Variants in ERBB4 observed in about 807,000 individuals in gnomAD.
The protein encoded by ERBB4 is erb-b2 receptor tyrosine kinase 4, also known as receptor tyrosine-protein kinase erbB-4.
In ERBB4, 42 loss-of-function variants were observed where a neutral mutation model predicts 158.0. That is an observed-to-expected ratio of 0.27 (90% CI 0.21 to 0.34). ERBB4 has a LOEUF of 0.34. Among genes scored for constraint, ERBB4 ranks in the 10% least tolerant of loss-of-function variants. The pLI is 1.00. For synonymous variants in ERBB4, 583 were observed against 558.7 expected, an observed-to-expected ratio of 1.04 and a Z score of -0.61; for missense variants, 1,333 against 1,624.1, an observed-to-expected ratio of 0.82 and a Z score of 3.08.
intron 1 of ERBB4, among the ~76,000 whole-genome samples, chr2:212,527,252 A>C (rs1335284991): frequency 1.3e-5 from 2 of 152,126 alleles, no homozygotes; most frequent in South Asian, 4.1e-4. Context: ...TATTCTAAAA[A>C]TTATCTCTAT....
At chr2:212,247,132 G>A (rs1371927589) in intron 1 of ERBB4, among the ~76,000 whole-genome samples, 1 of 152,074 alleles carries the variant, frequency 6.6e-6, no homozygotes, top group Non-Finnish European at 1.5e-5. Flanking sequence ...TTTGAGAAAA[G>A]GCAAAATAGA....
intron 2 of ERBB4, among the ~76,000 whole-genome samples, chr2:211,994,512 A>AT (rs2082151972): frequency 6.6e-6 from 1 of 151,970 alleles, no homozygotes; most frequent in African/African-American, 2.4e-5. Flanking sequence ...ATTTATCTAG[A>AT]TTTTTTCCAG....
rs754541689 is a variant in ERBB4, at chr2:211,561,999, T to G, written c.2391A>C (p.Gln797His). 6.2e-7 allele frequency: 1 copy of G among 1,614,114 alleles called. No homozygotes were observed. Among genetic ancestry groups the G allele is most frequent in the Non-Finnish European group, 8.5e-7 (1 of 1,180,010 alleles). The change falls in exon 20 of 28, where the codon CAA becomes CAC. Residue 797 changes from glutamine to histidine, a missense_variant. Coordinates refer to ENST00000342788, the MANE Select transcript of ERBB4 (RefSeq NM_005235.3). ...CLSPTIQLVT[Q>H]LMPHGCLLEY... ...CCAACAGGCAGCCATGGGGCATAAG[T>G]TGAGTAACCAGCTGGATGGTTGGGC...
chr2:212,116,400 C>G (rs1461045562), intron 2 of ERBB4, among the ~76,000 whole-genome samples: 1 of 151,970 alleles, frequency 6.6e-6, no homozygotes, highest in East Asian at 1.9e-4. Flanking sequence ...TTTTAATATG[C>G]TTAAGATACA....
chr2:212,065,028 T>G (rs929966452), intron 2 of ERBB4, among the ~76,000 whole-genome samples: 12 of 130,294 alleles, frequency 9.2e-5, no homozygotes, highest in Non-Finnish European at 1.2e-4. Flanking sequence ...TGTGTGTGTG[T>G]TGTGTGTGTG....
intron 7 of ERBB4, among the ~76,000 whole-genome samples, chr2:211,716,720 CA>C (rs66511513): frequency 0.59 from 89,262 of 150,110 alleles, 26,887 homozygotes; most frequent in African/African-American, 0.69. Context: ...CAAAAAAAAA[CA>C]AAAAAAAAAG....
intron 20 of ERBB4, among the ~76,000 whole-genome samples, chr2:211,448,463 CAG>C (rs2064165183): frequency 9.5e-6 from 1 of 104,756 alleles, no homozygotes. Context: ...TCTACCCAAA[CAG>C]ATACACACAC....
At chr2:211,545,408 ATTATT>A (rs1324811471) in intron 20 of ERBB4, among the ~76,000 whole-genome samples, 1 of 152,028 alleles carries the variant, frequency 6.6e-6, no homozygotes, top group Non-Finnish European at 1.5e-5. Context: ...GCACAAGACT[ATTATT>A]TTATTTAGCA....
intron 1 of ERBB4, among the ~76,000 whole-genome samples, chr2:212,355,454 T>C (rs1560099629): frequency 6.6e-6 from 1 of 152,170 alleles, no homozygotes; most frequent in South Asian, 2.1e-4. Context: ...AGTCTTTAAA[T>C]AGTCATTGTA....
At chr2:211,477,474 GTGTT>G (rs1412429832) in intron 20 of ERBB4, among the ~76,000 whole-genome samples, 1 of 152,108 alleles carries the variant, frequency 6.6e-6, no homozygotes, top group Non-Finnish European at 1.5e-5. Flanking sequence ...ATAAAATACA[GTGTT>G]TGGGGATGTT....
At chr2:211,828,584 G>A (rs933438613) in intron 3 of ERBB4, among the ~76,000 whole-genome samples, 1 of 152,026 alleles carries the variant, frequency 6.6e-6, no homozygotes. Context: ...TTTTGTCACT[G>A]TTGCTACTGT....
intron 1 of ERBB4, among the ~76,000 whole-genome samples, chr2:212,503,859 G>A (rs1691036317): frequency 6.7e-6 from 1 of 149,538 alleles, no homozygotes. Context: ...TATGTCTTAA[G>A]GGATCTCAAA....
intron 3 of ERBB4, among the ~76,000 whole-genome samples, chr2:211,886,155 G>A (rs1270840098): frequency 6.6e-6 from 1 of 152,136 alleles, no homozygotes; most frequent in African/African-American, 2.4e-5. Flanking sequence ...CTCATCACAG[G>A]TATCTGCTGA....
intron 3 of ERBB4, among the ~76,000 whole-genome samples, chr2:211,867,024 C>CAAAAAAAAAAAAAAAAA (rs386392490): frequency 1.6e-5 from 1 of 60,632 alleles, no homozygotes; most frequent in Non-Finnish European, 2.9e-5. Flanking sequence ...TCCTTAAAAC[C>CAAAAAAAAAAAAAAAAA]AAAAAAAAAA....
intron 3 of ERBB4, among the ~76,000 whole-genome samples, chr2:211,923,284 T>C (rs1369465298): frequency 6.6e-6 from 1 of 152,130 alleles, no homozygotes; most frequent in Non-Finnish European, 1.5e-5. Flanking sequence ...AAAGGATAAA[T>C]AACTTGTTGA....
intron 2 of ERBB4, among the ~76,000 whole-genome samples, chr2:211,982,892 T>C (rs575303754): frequency 6.6e-6 from 1 of 152,390 alleles, no homozygotes; most frequent in African/African-American, 2.4e-5. Context: ...TAAAATTTCA[T>C]TTCAGCATTC....
chr2:212,177,594 G>T (rs1215145640), intron 1 of ERBB4, among the ~76,000 whole-genome samples: 1 of 151,688 alleles, frequency 6.6e-6, no homozygotes, highest in Admixed American at 6.6e-5. Context: ...CATGCTGAAG[G>T]TTCACTTTTT....
At chr2:212,074,240 G>A (rs2078210541) in intron 2 of ERBB4, among the ~76,000 whole-genome samples, 2 of 151,958 alleles carry the variant, frequency 1.3e-5, no homozygotes, top group African/African-American at 4.8e-5. Flanking sequence ...AAAATGATGG[G>A]TGGCAAATGC....
intron 1 of ERBB4, among the ~76,000 whole-genome samples, chr2:212,204,816 C>CT (rs369446940): frequency 0.47 from 57,948 of 122,190 alleles, 14,992 homozygotes; most frequent in East Asian, 0.75. Context: ...TATATGAAAA[C>CT]TTTTTTTTTT....
Sources: allele counts gnomAD v4.1 joint callset (sites outside exome capture counted in the v4.1 genomes callset), GRCh38; gene constraint gnomAD v4.1.1; transcripts MANE v1.5; gene names NCBI Gene and HGNC (gene_info 2026-07-23, HGNC 2026-07-21).